The following KCNN3 variants were observed in gnomAD, a reference collection of about 807,000 sequenced individuals.
KCNN3 encodes the protein small conductance calcium-activated potassium channel protein 3.
KCNN3 carries 16 observed loss-of-function variants against 62.9 expected under a neutral mutation model. The observed-to-expected ratio is 0.25, with a 90% CI of 0.17 to 0.39. KCNN3 has a LOEUF of 0.39. KCNN3 is among the 10% of genes least tolerant of loss of function. The probability of loss-of-function intolerance (pLI) is 1.00; values close to 1 mark genes in which losing one functional copy is unlikely to be tolerated. For missense variants in KCNN3, 599 were observed against 949.4 expected, an observed-to-expected ratio of 0.63 and a Z score of 4.85; for synonymous variants, 370 against 389.2, an observed-to-expected ratio of 0.95 and a Z score of 0.58.
intron 5 of KCNN3, among the ~76,000 whole-genome samples, chr1:154,720,530 C>G (rs57562759): frequency 1.3e-5 from 2 of 152,108 alleles, no homozygotes; most frequent in South Asian, 2.1e-4. Flanking sequence ...GTTTTTCCTA[C>G]GAAATACCAC....
intron 3 of KCNN3, among the ~76,000 whole-genome samples, chr1:154,733,430 G>A (rs1406306261): frequency 1.3e-5 from 2 of 152,120 alleles, no homozygotes; most frequent in Non-Finnish European, 2.9e-5. Flanking sequence ...TTTAGTGTTG[G>A]TAAGATAGCT....
At chr1:154,811,921 G>A (rs1307711158) in intron 2 of KCNN3, among the ~76,000 whole-genome samples, 1 of 152,244 alleles carries the variant, frequency 6.6e-6, no homozygotes, top group Non-Finnish European at 1.5e-5. Flanking sequence ...TATGCACAGT[G>A]CTCTTCGTTA....
In KCNN3 at chr1:154,833,102, CCT is replaced by C. The variant is rs1381599127; in HGVS notation, c.934-10920_934-10919del. ...CCCCCTTTCCTCCCTCCAGCCCTTG[CCT>C]CTGTCTGCACCAGAAGCTGCTGCAA... On this transcript the variant is annotated intron_variant, in intron 1 of 7. Coordinates refer to ENST00000271915, the MANE Select transcript of KCNN3 (RefSeq NM_002249.6). 6.6e-5 allele frequency among the ~76,000 whole-genome samples: 10 copies of C among 152,228 alleles called. No homozygotes were observed. In the East Asian group the frequency reaches 1.7e-3, roughly 26 times the overall value.
intron 3 of KCNN3, among the ~76,000 whole-genome samples, chr1:154,754,477 A>G (rs181823095): frequency 6.6e-6 from 1 of 152,338 alleles, no homozygotes; most frequent in African/African-American, 2.4e-5. Flanking sequence ...ATGATTACCA[A>G]TAATAAAGAC....
chr1:154,828,590 A>C (rs182947243), intron 1 of KCNN3, among the ~76,000 whole-genome samples: 5 of 152,320 alleles, frequency 3.3e-5, no homozygotes, highest in Admixed American at 2.6e-4. Context: ...GCTGTGTGAC[A>C]CTGGATCGGT....
intron 2 of KCNN3, among the ~76,000 whole-genome samples, chr1:154,803,272 G>C (rs779435732): frequency 6.6e-6 from 1 of 152,196 alleles, no homozygotes; most frequent in African/African-American, 2.4e-5. Flanking sequence ...GGGTTAGCAA[G>C]GCTTTCACGC....
At chr1:154,773,262 G>C (rs536064728) in intron 2 of KCNN3, among the ~76,000 whole-genome samples, 1 of 152,150 alleles carries the variant, frequency 6.6e-6, no homozygotes, top group African/African-American at 2.4e-5. Context: ...GGAGTGTTGC[G>C]TGCCCAGAGA....
chr1:154,842,635 C>G (rs867819040), intron 1 of KCNN3, among the ~76,000 whole-genome samples: 14 of 110,618 alleles, frequency 1.3e-4, no homozygotes, highest in Non-Finnish European at 1.6e-4. Flanking sequence ...AGGGACCCCC[C>G]CCCCGCCACC....
At chr1:154,845,148 G>C (rs550838446) in intron 1 of KCNN3, among the ~76,000 whole-genome samples, 3 of 152,152 alleles carry the variant, frequency 2.0e-5, no homozygotes, top group Non-Finnish European at 2.9e-5. Flanking sequence ...TAGACCTCAT[G>C]AATCAATCAG....
At chr1:154,794,829 T>C (rs1288758905) in intron 2 of KCNN3, among the ~76,000 whole-genome samples, 1 of 152,156 alleles carries the variant, frequency 6.6e-6, no homozygotes, top group Non-Finnish European at 1.5e-5. Flanking sequence ...ATGTCTGTTA[T>C]GGATGCAGCA....
At position 154,700,645 on chromosome 1, in the gene KCNN3, A is replaced by G. The variant is rs1699833245; in HGVS notation, c.*7331T>C. Reference sequence around the variant, plus strand: ...ATGAAACCCTGTCTCTACTAAAAATACAAAAAAATTAGCTGGTCGTGGTGG... The same window carrying G: ...ATGAAACCCTGTCTCTACTAAAAATGCAAAAAAATTAGCTGGTCGTGGTGG... On this transcript the variant is annotated 3_prime_UTR_variant, in exon 8 of 8. Transcript: ENST00000271915. 2 of 152,100 alleles carry G rather than the reference A, an allele frequency of 1.3e-5. No individual in the cohort carries two copies. Among genetic ancestry groups the G allele is most frequent in the Non-Finnish European group, 2.9e-5 (2 of 68,048 alleles). The allele number at this position is 152,100 out of a possible 1,614,324, so 9.4% of individuals were successfully genotyped here.
At chr1:154,749,590 G>T (rs1288245470) in intron 3 of KCNN3, among the ~76,000 whole-genome samples, 2 of 152,220 alleles carry the variant, frequency 1.3e-5, no homozygotes, top group African/African-American at 2.4e-5. Flanking sequence ...GAGAAGACAG[G>T]GTGCCAAGGA....
intron 2 of KCNN3, among the ~76,000 whole-genome samples, chr1:154,800,140 G>T (rs1649895955): frequency 6.6e-6 from 1 of 152,218 alleles, no homozygotes; most frequent in Non-Finnish European, 1.5e-5. Context: ...TTGTGCTGTT[G>T]TGATGATTCA....
chr1:154,799,079 G>A (rs1412842619), intron 2 of KCNN3, among the ~76,000 whole-genome samples: 1 of 152,034 alleles, frequency 6.6e-6, no homozygotes, highest in African/African-American at 2.4e-5. Context: ...ACCATGCCTG[G>A]CTAATTTTTG....
At chr1:154,867,609 A>G (rs1653002350) in intron 1 of KCNN3, among the ~76,000 whole-genome samples, 1 of 152,010 alleles carries the variant, frequency 6.6e-6, no homozygotes, top group Non-Finnish European at 1.5e-5. Flanking sequence ...CTGGATTTCA[A>G]TAAGGAATGT....
At chr1:154,742,174 T>C (rs930012346) in intron 3 of KCNN3, among the ~76,000 whole-genome samples, 1 of 152,248 alleles carries the variant, frequency 6.6e-6, no homozygotes, top group African/African-American at 2.4e-5. Flanking sequence ...CTGTCACTCC[T>C]GCCCTGTCCT....
intron 2 of KCNN3, among the ~76,000 whole-genome samples, chr1:154,786,746 C>A (rs1202825978): frequency 1.3e-5 from 2 of 152,158 alleles, no homozygotes; most frequent in East Asian, 3.8e-4. Flanking sequence ...ATCAGGGAAC[C>A]TATTGATTTT....
chr1:154,807,546 G>A (rs543525263), intron 2 of KCNN3, among the ~76,000 whole-genome samples: 1 of 152,220 alleles, frequency 6.6e-6, no homozygotes, highest in Non-Finnish European at 1.5e-5. Flanking sequence ...AAACCTGCAA[G>A]GTTGAATTCT....
chr1:154,727,872 T>C (rs1700503871), intron 4 of KCNN3, among the ~76,000 whole-genome samples: 1 of 152,196 alleles, frequency 6.6e-6, no homozygotes, highest in South Asian at 2.1e-4. Flanking sequence ...CTCTCCTTTA[T>C]ATGGAGTTCC....
Sources: allele counts gnomAD v4.1 joint callset (sites outside exome capture counted in the v4.1 genomes callset), GRCh38; gene constraint gnomAD v4.1.1; transcripts MANE v1.5; gene names NCBI Gene and HGNC (gene_info 2026-07-23, HGNC 2026-07-21).